Variants in EDC3 observed in about 807,000 individuals in gnomAD.
EDC3 encodes the protein enhancer of mRNA decapping 3, also known as enhancer of mRNA-decapping protein 3.
Under a neutral mutation model 41.8 loss-of-function variants are expected in EDC3, and 20 were observed. The ratio of observed to expected loss-of-function variants is 0.48; its 90% confidence interval spans 0.34 to 0.70. The LOEUF is 0.70. Ranked by LOEUF, EDC3 falls within the 30% of genes least tolerant of loss-of-function variation. The pLI is 0.01. For synonymous variants in EDC3, 206 were observed against 243.2 expected (o/e 0.85, Z 1.42); for missense variants, 444 against 636.8 (o/e 0.70, Z 3.26).
intron 1 of EDC3, chr15:74,695,545 A>C (rs1296178663): frequency 6.6e-6 from 1 of 152,142 alleles, no homozygotes; most frequent in Non-Finnish European, 1.5e-5. Context: ...CATTATGCAA[A>C]GGGAAACTGA....
intron 1 of EDC3, chr15:74,692,878 ATACT>A (rs1353966902): frequency 3.3e-5 from 5 of 152,236 alleles, no homozygotes; most frequent in Non-Finnish European, 4.4e-5. Context: ...TTAAAATTAA[ATACT>A]TACACTATGT....
intron 5 of EDC3, chr15:74,637,955 T>C (rs2062294183): frequency 6.6e-6 from 1 of 152,216 alleles, no homozygotes; most frequent in Non-Finnish European, 1.5e-5. Context: ...TCTTTGGAAG[T>C]GGCCTCCCCA....
chr15:74,692,525 C>A (rs933019837), intron 1 of EDC3, among the ~76,000 whole-genome samples: 5 of 152,088 alleles, frequency 3.3e-5, no homozygotes, highest in Non-Finnish European at 5.9e-5. Context: ...CATAATTACC[C>A]TGCTACTAAG....
chr15:74,695,789 T>C (rs2141697605), intron 1 of EDC3, 91 bp downstream of exon 1: 1 of 152,900 alleles, frequency 6.5e-6, no homozygotes, highest in Middle Eastern at 3.4e-3. Flanking sequence ...TCTATAAAGG[T>C]CTACGAGGCC....
chr15:74,660,326 C>T lies in EDC3; in HGVS notation c.485-4258G>A, dbSNP rs139972664. Reference sequence around the variant, plus strand: ...GGCTGAGGTAGGAGAATCGCTGGAACCCAGGAGGTGGAGGTTGCAGTGAGC... The same window carrying T: ...GGCTGAGGTAGGAGAATCGCTGGAATCCAGGAGGTGGAGGTTGCAGTGAGC... On this transcript the variant is annotated intron_variant, in intron 3 of 6. Coordinates refer to ENST00000315127, the MANE Select transcript of EDC3 (RefSeq NM_025083.5). Among the ~76,000 whole-genome samples, 1,126 of 151,932 alleles carry T rather than the reference C, an allele frequency of 7.4e-3. 14 individuals carry two copies. Among genetic ancestry groups the T allele is most frequent in the African/African-American group, 0.026 (1,091 of 41,414 alleles).
chr15:74,685,769 T>C (rs1260542568), intron 1 of EDC3, among the ~76,000 whole-genome samples: 1 of 152,084 alleles, frequency 6.6e-6, no homozygotes, highest in Non-Finnish European at 1.5e-5. Flanking sequence ...AATACACATG[T>C]TAAGCACAAA....
intron 4 of EDC3, 94 bp downstream of exon 4, chr15:74,655,639 T>C: frequency 8.0e-7 from 1 of 1,243,650 alleles, no homozygotes; most frequent in Admixed American, 2.7e-5. Flanking sequence ...TAATTCCTAG[T>C]GTGAGATTCT....
At chr15:74,674,749 T>A (rs560176012) in intron 2 of EDC3, 2 of 573,466 alleles carry the variant, frequency 3.5e-6, no homozygotes, top group South Asian at 4.3e-5. Flanking sequence ...GCATGGTGGT[T>A]CACACCTGAA....
chr15:74,681,759 G>GT (rs1276639849), intron 1 of EDC3, among the ~76,000 whole-genome samples: 19 of 152,114 alleles, frequency 1.2e-4, no homozygotes, highest in Non-Finnish European at 2.1e-4. Flanking sequence ...TACTCAAAAT[G>GT]TATCATGAAC....
intron 4 of EDC3, among the ~76,000 whole-genome samples, chr15:74,648,182 T>G (rs2062439046): frequency 6.6e-6 from 1 of 152,196 alleles, no homozygotes; most frequent in African/African-American, 2.4e-5. Context: ...ACTTCTAAAC[T>G]CCAAGATTTA....
chr15:74,676,716 G>A (rs564776459), intron 1 of EDC3, among the ~76,000 whole-genome samples: 2 of 152,232 alleles, frequency 1.3e-5, no homozygotes, highest in South Asian at 4.2e-4. Context: ...AAATATTTGT[G>A]AAAGACATAT....
chr15:74,634,637 T>C (rs1022841705), intron 6 of EDC3, among the ~76,000 whole-genome samples: 1 of 152,126 alleles, frequency 6.6e-6, no homozygotes, highest in Non-Finnish European at 1.5e-5. Context: ...TTGGAGCCAT[T>C]GCCAACTCTT....
intron 3 of EDC3, among the ~76,000 whole-genome samples, chr15:74,664,294 C>T (rs2062654314): frequency 6.6e-6 from 1 of 152,264 alleles, no homozygotes; most frequent in Non-Finnish European, 1.5e-5. Context: ...TCCCAAAGGG[C>T]CTGGCTCTGC....
intron 3 of EDC3, among the ~76,000 whole-genome samples, chr15:74,664,423 G>A (rs2062655557): frequency 6.6e-6 from 1 of 152,252 alleles, no homozygotes. Flanking sequence ...CAGGCTGGCT[G>A]CCTTCCTGTG....
At chr15:74,634,631 A>T (rs1322385955) in intron 6 of EDC3, among the ~76,000 whole-genome samples, 1 of 152,112 alleles carries the variant, frequency 6.6e-6, no homozygotes, top group African/African-American at 2.4e-5. Flanking sequence ...AAAACTTTGG[A>T]GCCATTGCCA....
chr15:74,667,376 T>G (rs1308641298), intron 3 of EDC3, among the ~76,000 whole-genome samples: 1 of 148,920 alleles, frequency 6.7e-6, no homozygotes, highest in East Asian at 2.0e-4. Context: ...TGCTGTCAGC[T>G]ATAAGGGTGA....
intron 2 of EDC3, among the ~76,000 whole-genome samples, chr15:74,673,908 T>C (rs1381733346): frequency 6.9e-6 from 1 of 144,650 alleles, no homozygotes; most frequent in Admixed American, 6.9e-5. Context: ...GTCTAGAGAA[T>C]AAAAGCTGAG....
intron 1 of EDC3, among the ~76,000 whole-genome samples, chr15:74,679,254 A>G (rs1270338672): frequency 6.6e-6 from 1 of 152,146 alleles, no homozygotes. Context: ...TGTAGCTAGT[A>G]TAACTCTGAC....
rs1213220111 is a variant in EDC3, at chr15:74,632,956, G to C, written c.1193-10C>G. ...GGGCTAGTGGGCAGATCTGCAGGTG[G>C]AAAGAGTGCCATCTGAAAGTCCCTA... On this transcript the variant is annotated splice_polypyrimidine_tract_variant and intron_variant, in intron 6 of 6. Coordinates refer to ENST00000315127, the MANE Select transcript of EDC3 (RefSeq NM_025083.5). The surrounding 1 kb of genome is among the most constrained non-coding windows in gnomAD (Gnocchi z 4.0). 6.2e-7 allele frequency: 1 copy of C among 1,611,744 alleles called. No individual in the cohort carries two copies. Among genetic ancestry groups the C allele is most frequent in the African/African-American group, 1.3e-5 (1 of 75,010 alleles).
Sources: gnomAD v4.1 joint callset for allele counts (sites outside exome capture counted in the v4.1 genomes callset) on GRCh38, gnomAD v4.1.1 for gene constraint, Gnocchi (gnomAD v3.1) non-coding constraint, MANE v1.5 for transcripts, NCBI Gene and HGNC (gene_info 2026-07-23, HGNC 2026-07-21) for gene names.